UTRN: variants seen among roughly 807,000 people sequenced by gnomAD.
The protein encoded by UTRN is dystrophin-related protein 1.
In UTRN, 283 loss-of-function variants were observed where a neutral mutation model predicts 463.9. The ratio of observed to expected loss-of-function variants is 0.61; its 90% CI spans 0.55 to 0.67. The LOEUF is 0.67. Ranked by LOEUF, UTRN falls within the 30% of genes least tolerant of loss-of-function variation. UTRN has a pLI of 0.00. For missense variants in UTRN, 3,922 were observed against 4,084.3 expected (o/e 0.96, Z 1.08); for synonymous variants, 1,442 against 1,431.5 (o/e 1.01, Z -0.17).
intron 55 of UTRN, among the ~76,000 whole-genome samples, chr6:144,750,559 T>C (rs1024898231): frequency 6.6e-6 from 1 of 152,094 alleles, no homozygotes; most frequent in Non-Finnish European, 1.5e-5. Flanking sequence ...GAGTGGACAA[T>C]GTAGAAATGA....
At chr6:144,309,108 T>A (rs1806011299) in intron 2 of UTRN, among the ~76,000 whole-genome samples, 1 of 152,114 alleles carries the variant, frequency 6.6e-6, no homozygotes, top group African/African-American at 2.4e-5. Context: ...CCCTCCTCCA[T>A]GACTCTTTCT....
At chr6:144,656,428 T>G (rs192900257) in intron 51 of UTRN, among the ~76,000 whole-genome samples, 1 of 152,344 alleles carries the variant, frequency 6.6e-6, no homozygotes, top group East Asian at 1.9e-4. Flanking sequence ...CTCTTTGTTT[T>G]GAGACAAAGT....
At chr6:144,498,612 A>T (rs1171630001) in intron 33 of UTRN, among the ~76,000 whole-genome samples, 6 of 151,650 alleles carry the variant, frequency 4.0e-5, no homozygotes, top group Non-Finnish European at 7.4e-5. Context: ...TTTCAACTTT[A>T]TTTCTGCCCT....
intron 71 of UTRN, among the ~76,000 whole-genome samples, chr6:144,838,706 C>G (rs1781308808): frequency 6.6e-6 from 1 of 152,164 alleles, no homozygotes; most frequent in South Asian, 2.1e-4. Flanking sequence ...ACAGTTTTCC[C>G]AGAATTACAC....
chr6:144,403,995 A>C (rs919045808), intron 3 of UTRN, among the ~76,000 whole-genome samples: 1 of 152,150 alleles, frequency 6.6e-6, no homozygotes, highest in Non-Finnish European at 1.5e-5. Context: ...GTTGCTTTTC[A>C]AAATTTTTGG....
In UTRN at chr6:144,786,222, T is replaced by A. The variant is rs557644295; in HGVS notation, c.8835-2972T>A. 1.4e-3 allele frequency among the ~76,000 whole-genome samples: 217 copies of A among 152,296 alleles called. 1 individual carries two copies. The highest frequency in any genetic ancestry group is 5.0e-3 in the African/African-American group (207 of 41,564). On this transcript the variant is annotated intron_variant, in intron 61 of 74. Transcript: ENST00000367545. The stretch of plus-strand genomic sequence containing the variant: ...TTATTGTCTGGTCCCACGTAACCTG[T>A]ACAGTTCAGTCAACCAGTTAACCTT...
Position 144,447,589 on chromosome 6 carries a change from T to C in UTRN, c.1723-13T>C, listed in dbSNP as rs374699184. On this transcript the variant is annotated splice_polypyrimidine_tract_variant and intron_variant, in intron 15 of 74. Transcript: ENST00000367545. ...GTTAAAAAGAGTCATCTAATAAATA[T>C]CTGAAATACTAGATTTTGAAGGAAG... 2.2e-5 allele frequency: 35 copies of C among 1,610,744 alleles called. No individual in the cohort carries two copies. Among genetic ancestry groups the C allele is most frequent in the Admixed American group, 5.1e-5 (3 of 59,208 alleles).
chr6:144,342,891 G>T (rs1777253635), intron 2 of UTRN, among the ~76,000 whole-genome samples: 1 of 152,200 alleles, frequency 6.6e-6, no homozygotes, highest in African/African-American at 2.4e-5. Context: ...GTATCACTGT[G>T]CTTTTCCCGG....
chr6:144,355,425 C>A (rs1450416824), intron 2 of UTRN, among the ~76,000 whole-genome samples: 1 of 152,080 alleles, frequency 6.6e-6, no homozygotes, highest in Non-Finnish European at 1.5e-5. Flanking sequence ...TCTTGAACTC[C>A]TGGGCTCAAG....
chr6:144,419,072 A>C (rs1281410160), intron 3 of UTRN, among the ~76,000 whole-genome samples: 1 of 144,574 alleles, frequency 6.9e-6, no homozygotes. Context: ...TTTGTTGGCT[A>C]TTTTGCAGAA....
At chr6:144,845,921 GTCCTTTC>G (rs1309543029) in intron 73 of UTRN, among the ~76,000 whole-genome samples, 5 of 152,042 alleles carry the variant, frequency 3.3e-5, no homozygotes, top group Non-Finnish European at 7.4e-5. Flanking sequence ...GGTCACTGAT[GTCCTTTC>G]TCCCACTCAG....
chr6:144,440,226 G>T (rs1787013990), intron 12 of UTRN, 126 bp from the exon 13 acceptor site: 3 of 919,548 alleles, frequency 3.3e-6, no homozygotes. Flanking sequence ...AACAGTTAGG[G>T]TAATGATTGG....
chr6:144,496,639 A>G (rs1287744889), intron 33 of UTRN, among the ~76,000 whole-genome samples: 1 of 152,228 alleles, frequency 6.6e-6, no homozygotes, highest in Admixed American at 6.5e-5. Flanking sequence ...GTGATGAGGA[A>G]AGATATAAAT....
intron 2 of UTRN, among the ~76,000 whole-genome samples, chr6:144,299,019 G>A (rs1181983655): frequency 6.6e-6 from 1 of 152,140 alleles, no homozygotes; most frequent in Non-Finnish European, 1.5e-5. Flanking sequence ...ACATTTTGAG[G>A]TTGATACTAA....
rs562211808 is a variant in UTRN, at chr6:144,398,065, G to A, written c.80-5058G>A. 4 of 239,552 alleles carry A rather than the reference G, an allele frequency of 1.7e-5. No individual in the cohort carries two copies. The South Asian group carries it at 2.9e-4, about 18-fold the overall frequency. 14.8% of individuals were successfully genotyped at this position (239,552 alleles called of 1,614,324 possible). A position where few individuals can be genotyped will look rare whatever the true frequency, so the allele number is the denominator to read the frequency against. ...TGATTGGCATTTGTATTTCAATATG[G>A]CGTCCGTGCTCTGGAAAGGAATAAT... On this transcript the variant is annotated intron_variant, in intron 2 of 74. Transcript: ENST00000367545.
At chr6:144,725,314 C>T (rs150949121) in intron 53 of UTRN, among the ~76,000 whole-genome samples, 55 of 152,272 alleles carry the variant, frequency 3.6e-4, no homozygotes, top group African/African-American at 1.3e-3. Flanking sequence ...AACTATGAGT[C>T]CATTGAATCT....
chr6:144,385,706 ATTTT>A (rs60221098), intron 2 of UTRN, among the ~76,000 whole-genome samples: 1 of 142,552 alleles, frequency 7.0e-6, no homozygotes, highest in African/African-American at 2.5e-5. Context: ...CCAGAACTCT[ATTTT>A]TTTTTTTTTT....
intron 49 of UTRN, among the ~76,000 whole-genome samples, chr6:144,556,488 C>G (rs1799395789): frequency 6.6e-6 from 1 of 152,140 alleles, no homozygotes; most frequent in Non-Finnish European, 1.5e-5. Flanking sequence ...CTTCTGAAAC[C>G]TTAGGCTGAT....
intron 58 of UTRN, 134 bp downstream of exon 58, chr6:144,758,123 A>G: frequency 1.5e-6 from 1 of 668,096 alleles, no homozygotes; most frequent in Non-Finnish European, 2.4e-6. Flanking sequence ...GATATAGTTA[A>G]TATTAAAAAG....
Sources: gnomAD v4.1 joint callset for allele counts (sites outside exome capture counted in the v4.1 genomes callset) on GRCh38, gnomAD v4.1.1 for gene constraint, MANE v1.5 for transcripts, NCBI Gene and HGNC (gene_info 2026-07-23, HGNC 2026-07-21) for gene names.